MAPK4: variants seen among roughly 807,000 people sequenced by gnomAD.
The protein encoded by MAPK4 is mitogen-activated protein kinase 4.
MAPK4 carries 22 observed loss-of-function variants against 47.7 expected under a neutral mutation model. That is an observed-to-expected ratio of 0.46 (90% CI 0.33 to 0.66). MAPK4 has a LOEUF of 0.66. Among genes scored for constraint, MAPK4 ranks in the 30% least tolerant of loss-of-function variants. The probability of loss-of-function intolerance (pLI) is 0.02; values close to 1 mark genes in which losing one functional copy is unlikely to be tolerated. For synonymous variants in MAPK4, 390 were observed against 365.7 expected (o/e 1.07, Z -0.76); for missense variants, 736 against 831.7 (o/e 0.88, Z 1.42).
chr18:50,654,992 G>A (rs1184497594), intron 1 of MAPK4, among the ~76,000 whole-genome samples: 1 of 152,192 alleles, frequency 6.6e-6, no homozygotes, highest in Non-Finnish European at 1.5e-5. Context: ...CCCAGCATCT[G>A]ATGTTCCTTC....
At chr18:50,728,612 T>C (rs768312903) in intron 5 of MAPK4, among the ~76,000 whole-genome samples, 1 of 152,184 alleles carries the variant, frequency 6.6e-6, no homozygotes, top group African/African-American at 2.4e-5. Context: ...AATTCCCCTA[T>C]GTGACTCTAA....
chr18:50,643,438 A>C (rs1027285212), intron 1 of MAPK4, among the ~76,000 whole-genome samples: 5 of 152,244 alleles, frequency 3.3e-5, no homozygotes, highest in Non-Finnish European at 7.3e-5. Flanking sequence ...CGGGAGGATC[A>C]CTTGAACCTG....
chr18:50,681,274 A>T (rs1280812582), intron 2 of MAPK4, among the ~76,000 whole-genome samples: 2 of 152,226 alleles, frequency 1.3e-5, no homozygotes, highest in Admixed American at 1.3e-4. Flanking sequence ...ATTGAATTAT[A>T]AAAGTTTTTT....
chr18:50,625,461 G>A (rs1005522366), intron 1 of MAPK4, among the ~76,000 whole-genome samples: 2 of 152,030 alleles, frequency 1.3e-5, no homozygotes, highest in African/African-American at 4.8e-5. Flanking sequence ...AAGACCGCAG[G>A]AGTCACAAAC....
At chr18:50,661,092 C>T (rs1397176670) in intron 1 of MAPK4, among the ~76,000 whole-genome samples, 2 of 152,206 alleles carry the variant, frequency 1.3e-5, no homozygotes, top group Non-Finnish European at 2.9e-5. Context: ...TCATTCCTCT[C>T]TCTGTTTACA....
chr18:50,704,658 T>C lies in MAPK4; in HGVS notation c.547-10421T>C, dbSNP rs78206671. ...CAAACTGGGGAGAGTTCCAGTCCTG[T>C]GGGGTGGGAGCAGCTGTGAAGAGGC... is the stretch of plus-strand genomic sequence containing the variant. On this transcript the variant is annotated intron_variant, in intron 2 of 5. Coordinates refer to ENST00000400384, the MANE Select transcript of MAPK4 (RefSeq NM_002747.4). 1,720 of 398,604 alleles carry C rather than the reference T, an allele frequency of 4.3e-3. 19 individuals are homozygous for C. The highest frequency in any genetic ancestry group is 0.032 in the African/African-American group (1,558 of 48,716). The allele number at this position is 398,604 out of a possible 1,614,324, so 24.7% of individuals were successfully genotyped here. A position where few individuals can be genotyped will look rare whatever the true frequency, so the allele number is the denominator to read the frequency against.
chr18:50,727,168 G>A (rs887067012), intron 5 of MAPK4, among the ~76,000 whole-genome samples: 2 of 152,170 alleles, frequency 1.3e-5, no homozygotes, highest in Admixed American at 6.5e-5. Context: ...CTGTTCTGAC[G>A]TTCTTAGATC....
chr18:50,573,205 G>A (rs187302254), intron 1 of MAPK4, among the ~76,000 whole-genome samples: 2 of 152,256 alleles, frequency 1.3e-5, no homozygotes, highest in Admixed American at 6.5e-5. Flanking sequence ...TAAGAAGGTG[G>A]AGAAAAAAGA....
intron 1 of MAPK4, among the ~76,000 whole-genome samples, chr18:50,591,705 G>T (rs1247770199): frequency 6.6e-6 from 1 of 151,758 alleles, no homozygotes; most frequent in Admixed American, 6.6e-5. Context: ...ACCATTCTTT[G>T]CCTAACAGAG....
chr18:50,724,102 C>G (rs1911072618), intron 4 of MAPK4, among the ~76,000 whole-genome samples: 1 of 152,086 alleles, frequency 6.6e-6, no homozygotes, highest in Non-Finnish European at 1.5e-5. Flanking sequence ...ACCTCAGCCT[C>G]GAGGGCTCAA....
At chr18:50,665,857 T>C (rs1432515518) in intron 2 of MAPK4, among the ~76,000 whole-genome samples, 3 of 152,176 alleles carry the variant, frequency 2.0e-5, no homozygotes, top group Admixed American at 2.0e-4. Flanking sequence ...TAGGAAGGAA[T>C]GTCCATGGGC....
intron 1 of MAPK4, among the ~76,000 whole-genome samples, chr18:50,647,865 C>T (rs1163467281): frequency 6.6e-6 from 1 of 152,132 alleles, no homozygotes; most frequent in Non-Finnish European, 1.5e-5. Flanking sequence ...GCAAATCCCA[C>T]CCTTCAGGGA....
chr18:50,629,375 G>GA (rs1200187058), intron 1 of MAPK4: 1 of 152,218 alleles, frequency 6.6e-6, no homozygotes, highest in Non-Finnish European at 1.5e-5. Context: ...AACCAGAATA[G>GA]AAATGTATGT....
intron 2 of MAPK4, among the ~76,000 whole-genome samples, chr18:50,699,055 A>G (rs1459410827): frequency 2.0e-5 from 3 of 152,120 alleles, no homozygotes; most frequent in Non-Finnish European, 4.4e-5. Flanking sequence ...GTAATATATA[A>G]AATATATCCA....
At position 50,664,242 on chromosome 18, in the gene MAPK4, T is replaced by A. The variant is rs1294730849; in HGVS notation, c.284T>A (p.Leu95Gln). ...AAGGGCACTGACCTGCAGGGTGAGC[T>A]GTTCAAGTTCAGCGTGGCGTACATC... Reference protein sequence around the residue: ...GPKGTDLQGELFKFSVAYIVQ... With the variant: ...GPKGTDLQGEQFKFSVAYIVQ... Residue 95 changes from leucine to glutamine, a missense_variant, in exon 2 of 6, where the codon CTG becomes CAG. Leu to Gln is a moderately radical substitution (Grantham distance 113, BLOSUM62 -2). Transcript: ENST00000400384. This position sits in a 1 kb window ranked among gnomAD's most constrained non-coding sequence, Gnocchi z 6.0. 1 of 1,613,874 alleles carries A rather than the reference T, an allele frequency of 6.2e-7. No individual in the cohort carries two copies. The highest frequency in any genetic ancestry group is 1.3e-5 in the African/African-American group (1 of 74,894).
chr18:50,693,158 C>T (rs957366085), intron 2 of MAPK4, among the ~76,000 whole-genome samples: 1 of 152,036 alleles, frequency 6.6e-6, no homozygotes, highest in Non-Finnish European at 1.5e-5. Context: ...ACTCAGGAGG[C>T]TGAGGCAAGA....
At chr18:50,705,823 ACT>A (rs1157211640) in intron 2 of MAPK4, 1 of 151,460 alleles carries the variant, frequency 6.6e-6, no homozygotes, top group Non-Finnish European at 1.5e-5. Context: ...CCACCCCATC[ACT>A]CTCTATCTCC....
intron 1 of MAPK4, among the ~76,000 whole-genome samples, chr18:50,632,616 A>ATTTTTT (rs10531891): frequency 1.6e-5 from 2 of 122,328 alleles, no homozygotes; most frequent in Non-Finnish European, 1.7e-5. Flanking sequence ...GTCTGGTTTA[A>ATTTTTT]TTTTTTTTTT....
At chr18:50,635,852 C>T (rs2042882300) in intron 1 of MAPK4, among the ~76,000 whole-genome samples, 1 of 152,152 alleles carries the variant, frequency 6.6e-6, no homozygotes, top group South Asian at 2.1e-4. Context: ...CACAAGCCTC[C>T]ATGGTTCACA....
Sources: allele counts gnomAD v4.1 joint callset (sites outside exome capture counted in the v4.1 genomes callset), GRCh38; gene constraint gnomAD v4.1.1; non-coding constraint Gnocchi (gnomAD v3.1); transcripts MANE v1.5; gene names NCBI Gene and HGNC (gene_info 2026-07-23, HGNC 2026-07-21).